Variants in MAP3K5 observed in about 807,000 individuals in gnomAD.
MAP3K5 encodes the protein mitogen-activated protein kinase kinase kinase 5.
A neutral mutation model predicts 158.7 loss-of-function variants in MAP3K5; 56 were observed. That is an observed-to-expected ratio of 0.35 (90% CI 0.28 to 0.44). The LOEUF is 0.44. MAP3K5 is among the 20% of genes least tolerant of loss of function. The pLI is 1.00. For missense variants in MAP3K5, 1,294 were observed against 1,674.8 expected (o/e 0.77, Z 3.97); for synonymous variants, 579 against 601.7 (o/e 0.96, Z 0.55).
chr6:136,597,527 CAT>C (rs765502466), intron 21 of MAP3K5, among the ~76,000 whole-genome samples: 22 of 152,228 alleles, frequency 1.4e-4, no homozygotes, highest in Non-Finnish European at 2.9e-4. Flanking sequence ...ACTGGCCAAA[CAT>C]AGAATAGTGG....
intron 10 of MAP3K5, among the ~76,000 whole-genome samples, chr6:136,653,346 T>C (rs908665674): frequency 1.3e-5 from 2 of 152,212 alleles, no homozygotes; most frequent in Non-Finnish European, 2.9e-5. Context: ...GAATACAGTA[T>C]TGAGATAAAT....
chr6:136,671,827 T>C (rs1428247684), intron 7 of MAP3K5, among the ~76,000 whole-genome samples: 1 of 151,754 alleles, frequency 6.6e-6, no homozygotes, highest in Non-Finnish European at 1.5e-5. Context: ...GGTTTTGCCA[T>C]GTGAGTCAGG....
At position 136,705,043 on chromosome 6, in the gene MAP3K5, T is replaced by C. The variant is rs138026561; in HGVS notation, c.612+67A>G. Reference sequence around the variant, plus strand: ...TAATAATTTGTGGAGATTTTAAAAATACCAAAGATTAGTTAATGGAAAAGA... The same window carrying C: ...TAATAATTTGTGGAGATTTTAAAAACACCAAAGATTAGTTAATGGAAAAGA... On this transcript the variant is annotated intron_variant, in intron 3 of 29. Coordinates refer to ENST00000359015, the MANE Select transcript of MAP3K5 (RefSeq NM_005923.4). 512 of 766,114 alleles carry C rather than the reference T, an allele frequency of 6.7e-4. 6 individuals carry two copies. In the Admixed American group the frequency reaches 0.014, roughly 22 times the overall value. 47.5% of individuals were successfully genotyped at this position (766,114 alleles called of 1,614,324 possible).
chr6:136,772,237 A>AGG (rs950536647), intron 1 of MAP3K5, among the ~76,000 whole-genome samples: 1 of 147,436 alleles, frequency 6.8e-6, no homozygotes, highest in African/African-American at 2.5e-5. Flanking sequence ...CATTATTTTG[A>AGG]GGGGGGGGGA....
At chr6:136,791,048 T>TAA (rs929643594) in intron 1 of MAP3K5, among the ~76,000 whole-genome samples, 6 of 152,182 alleles carry the variant, frequency 3.9e-5, no homozygotes, top group African/African-American at 1.4e-4. Context: ...TATGGGGTAA[T>TAA]AAAAAACAGG....
intron 18 of MAP3K5, among the ~76,000 whole-genome samples, chr6:136,608,489 G>A (rs781644420): frequency 1.4e-4 from 21 of 152,148 alleles, no homozygotes; most frequent in Non-Finnish European, 2.8e-4. Flanking sequence ...TGAAGGCTTC[G>A]TGGACGGACT....
intron 21 of MAP3K5, among the ~76,000 whole-genome samples, chr6:136,597,504 C>T (rs777240203): frequency 1.3e-5 from 2 of 152,206 alleles, no homozygotes; most frequent in Non-Finnish European, 2.9e-5. Flanking sequence ...GGCCATCCTG[C>T]CTCCAGTCTC....
At chr6:136,564,446 G>C (rs546574857) in intron 26 of MAP3K5, among the ~76,000 whole-genome samples, 2 of 152,358 alleles carry the variant, frequency 1.3e-5, no homozygotes, top group Admixed American at 1.3e-4. Flanking sequence ...AGCTAGAAGA[G>C]GGAGCACAGG....
At chr6:136,654,258 G>A (rs79240739) in intron 10 of MAP3K5, among the ~76,000 whole-genome samples, 2,044 of 152,224 alleles carry the variant, frequency 0.013, 53 homozygotes, top group African/African-American at 0.045. Context: ...CAATTCCTAT[G>A]CCCACCAGCA....
At chr6:136,772,240 G>C (rs368237831) in intron 1 of MAP3K5, among the ~76,000 whole-genome samples, 8 of 151,674 alleles carry the variant, frequency 5.3e-5, no homozygotes, top group Admixed American at 6.6e-5. Context: ...TATTTTGAGG[G>C]GGGGGGAGAC....
At chr6:136,656,684 G>A (rs551973568) in intron 9 of MAP3K5, among the ~76,000 whole-genome samples, 1 of 151,862 alleles carries the variant, frequency 6.6e-6, no homozygotes, top group African/African-American at 2.4e-5. Flanking sequence ...GAGTGCAGTG[G>A]TGTAATCTCG....
intron 14 of MAP3K5, among the ~76,000 whole-genome samples, chr6:136,627,637 T>C (rs948045719): frequency 6.6e-6 from 1 of 152,168 alleles, no homozygotes; most frequent in Non-Finnish European, 1.5e-5. Flanking sequence ...GAAAGAGGCT[T>C]GAAGGAGCCT....
rs953097798 is a variant in MAP3K5, at chr6:136,656,402, T to C, written c.1585A>G (p.Thr529Ala). 27 of 1,610,544 alleles carry C rather than the reference T, an allele frequency of 1.7e-5. No homozygotes were observed. Among genetic ancestry groups the C allele is most frequent in the Non-Finnish European group, 2.3e-5 (27 of 1,178,592 alleles). ...TCTTGCTTGGCCACAGGCTGTTCTGTGGTCAGTTTCACAAAATGCTTATAT... is the reference window on the plus strand; with the variant it reads ...TCTTGCTTGGCCACAGGCTGTTCTGCGGTCAGTTTCACAAAATGCTTATAT... ...LIYKHFVKLT[T>A]EQPVAKQELV... is the part of the protein sequence containing the mutation. The change falls in exon 10 of 30, where the codon ACA (threonine) becomes GCA (alanine). Residue 529 changes from threonine to alanine, a missense_variant. Physicochemically the swap from Thr to Ala is moderately conservative, Grantham distance 58 (BLOSUM62 0). Transcript: ENST00000359015.
intron 1 of MAP3K5, among the ~76,000 whole-genome samples, chr6:136,751,044 C>T (rs1172076137): frequency 1.3e-5 from 2 of 151,904 alleles, no homozygotes; most frequent in African/African-American, 4.8e-5. Flanking sequence ...TTGTTTTTTT[C>T]CCCACTTTTT....
intron 21 of MAP3K5, among the ~76,000 whole-genome samples, chr6:136,599,337 A>C (rs1775776789): frequency 6.6e-6 from 1 of 152,044 alleles, no homozygotes; most frequent in Non-Finnish European, 1.5e-5. Flanking sequence ...TTCTAGGCCC[A>C]AGTCCATATG....
rs989173654 is a variant in MAP3K5 at position 136,707,559 on chromosome 6, G to GC, written c.589-2427_589-2426insG. ...GAAGAGTGAATTAAAGAGGTACTTGGGGGGGGGGGGAACCCCTTGAACGTA... is the reference window on the plus strand; with the variant it reads ...GAAGAGTGAATTAAAGAGGTACTTGGCGGGGGGGGGGAACCCCTTGAACGTA... On this transcript the variant is annotated intron_variant, in intron 2 of 29. Transcript: ENST00000359015. 2.7e-4 allele frequency among the ~76,000 whole-genome samples: 32 copies of GC among 116,866 alleles called. 1 individual carries two copies. The highest frequency in any genetic ancestry group is 1.1e-3 in the Admixed American group (14 of 12,792). The allele number at this position is 116,866 out of a possible 152,430, so 76.7% of individuals were successfully genotyped here.
In MAP3K5 at chr6:136,602,183, G is replaced by A. The variant is rs544609790; in HGVS notation, c.2680-204C>T. 5.9e-5 allele frequency among the ~76,000 whole-genome samples: 9 copies of A among 152,300 alleles called. No individual in the cohort carries two copies. In the East Asian group the frequency reaches 1.7e-3, roughly 29 times the overall value. ...GAGTGCCTTGGTACCTTTACCAATG[G>A]CACAGGCAGAATAATTAGTTGAAGA... On this transcript the variant is annotated intron_variant, in intron 19 of 29. Transcript: ENST00000359015.
At chr6:136,661,337 GA>G (rs1394843969) in intron 8 of MAP3K5, among the ~76,000 whole-genome samples, 1 of 151,350 alleles carries the variant, frequency 6.6e-6, no homozygotes, top group Non-Finnish European at 1.5e-5. Context: ...TTCACGAGAT[GA>G]AAAAAAAATA....
chr6:136,682,304 A>AG (rs1779970597), intron 7 of MAP3K5, among the ~76,000 whole-genome samples: 2 of 152,150 alleles, frequency 1.3e-5, no homozygotes, highest in Non-Finnish European at 2.9e-5. Flanking sequence ...AAAACTCTGG[A>AG]GGTGGGGAGA....
Sources: gnomAD v4.1 joint callset for allele counts (sites outside exome capture counted in the v4.1 genomes callset) on GRCh38, gnomAD v4.1.1 for gene constraint, MANE v1.5 for transcripts, NCBI Gene and HGNC (gene_info 2026-07-23, HGNC 2026-07-21) for gene names.